Variants in MTREX observed in about 807,000 individuals in gnomAD.
MTREX encodes the protein exosome RNA helicase MTR4.
In MTREX, 76 loss-of-function variants were observed where a neutral mutation model predicts 135.4. The ratio of observed to expected loss-of-function variants is 0.56; its 90% confidence interval spans 0.47 to 0.68. The LOEUF is 0.68. Among genes scored for constraint, MTREX ranks in the 30% least tolerant of loss-of-function variants. The pLI is 0.00. For missense variants in MTREX, 920 were observed against 1,262.1 expected (o/e 0.73, Z 4.11); for synonymous variants, 404 against 401.6 (o/e 1.01, Z -0.07).
chr5:55,366,018 A>T (rs1750098531), intron 15 of MTREX, among the ~76,000 whole-genome samples: 1 of 151,880 alleles, frequency 6.6e-6, no homozygotes, highest in Admixed American at 6.6e-5. Context: ...TTCTGAAGAG[A>T]CACTGCTGAA....
Position 55,416,074 on chromosome 5 carries a change from T to C in MTREX, c.2913T>C (p.Tyr971=), listed in dbSNP as rs1168169059. The change falls in exon 25 of 27, where the codon TAT becomes TAC. Residue 971 remains tyrosine, a synonymous_variant. Coordinates refer to ENST00000230640, the MANE Select transcript of MTREX (RefSeq NM_015360.5). The part of the protein sequence containing the change: ...SFKPHLMDVV[Y]TWATGATFAH... ...AACCTCACTTAATGGATGTAGTATA[T>C]ACCTGGGCAACTGGAGCTACATTTG... 2 of 1,597,190 alleles carry C rather than the reference T, an allele frequency of 1.3e-6. No individual in the cohort carries two copies. The highest frequency in any genetic ancestry group is 2.3e-5 in the South Asian group (2 of 86,572).
At chr5:55,313,831 CTT>C (rs1404349323) in intron 1 of MTREX, among the ~76,000 whole-genome samples, 1 of 152,126 alleles carries the variant, frequency 6.6e-6, no homozygotes, top group Admixed American at 6.5e-5. Context: ...TGCTTTGTCT[CTT>C]TTCTTTTTGA....
At chr5:55,362,351 T>G (rs576930047) in intron 15 of MTREX, among the ~76,000 whole-genome samples, 3 of 151,482 alleles carry the variant, frequency 2.0e-5, no homozygotes, top group East Asian at 3.9e-4. Context: ...AGTTTTTTTG[T>G]TTTTTTTGTT....
chr5:55,359,530 G>A (rs1273809216), intron 15 of MTREX, among the ~76,000 whole-genome samples: 1 of 147,532 alleles, frequency 6.8e-6, no homozygotes, highest in African/African-American at 2.5e-5. Flanking sequence ...CAAAATTGAT[G>A]AAGGTGTGTA....
At chr5:55,404,173 T>TA (rs1163707366) in intron 21 of MTREX, among the ~76,000 whole-genome samples, 1 of 152,218 alleles carries the variant, frequency 6.6e-6, no homozygotes. Flanking sequence ...ATAAACAGTC[T>TA]AAAAAATTCC....
chr5:55,355,340 A>G (rs1749893653), intron 14 of MTREX, among the ~76,000 whole-genome samples: 1 of 152,156 alleles, frequency 6.6e-6, no homozygotes. Context: ...CAGGGCTGAC[A>G]ATGGAATCCT....
intron 1 of MTREX, among the ~76,000 whole-genome samples, chr5:55,316,066 C>T (rs1405901189): frequency 6.6e-6 from 1 of 152,040 alleles, no homozygotes; most frequent in Non-Finnish European, 1.5e-5. Flanking sequence ...GACACATACA[C>T]CCTCCCAAGA....
chr5:55,359,404 T>C (rs1051811384), intron 15 of MTREX, among the ~76,000 whole-genome samples: 3 of 152,202 alleles, frequency 2.0e-5, no homozygotes, highest in Non-Finnish European at 4.4e-5. Context: ...CTTCAAAACA[T>C]GTTAAGACAC....
intron 15 of MTREX, among the ~76,000 whole-genome samples, chr5:55,365,401 A>G (rs1750085939): frequency 6.6e-6 from 1 of 152,160 alleles, no homozygotes; most frequent in South Asian, 2.1e-4. Context: ...GTTTTCAGGA[A>G]CTAAGAAATA....
chr5:55,420,794 A>C (rs1009564803), intron 25 of MTREX, among the ~76,000 whole-genome samples: 1 of 151,616 alleles, frequency 6.6e-6, no homozygotes, highest in East Asian at 1.9e-4. Context: ...TGATGGTTAC[A>C]CAAGTCTGAA....
intron 1 of MTREX, among the ~76,000 whole-genome samples, chr5:55,310,104 A>G (rs749054053): frequency 8.5e-5 from 13 of 152,246 alleles, no homozygotes; most frequent in African/African-American, 1.4e-4. Flanking sequence ...CAAATTTGCT[A>G]GGATAAAATG....
At chr5:55,362,073 C>A (rs184110085) in intron 15 of MTREX, among the ~76,000 whole-genome samples, 222 of 146,866 alleles carry the variant, frequency 1.5e-3, no homozygotes, top group African/African-American at 5.6e-3. Context: ...TGCACCACCA[C>A]GTCTGGCTAA....
chr5:55,355,461 A>T (rs969444252), intron 14 of MTREX, among the ~76,000 whole-genome samples: 1 of 152,090 alleles, frequency 6.6e-6, no homozygotes, highest in Admixed American at 6.6e-5. Flanking sequence ...CACCTGGGGG[A>T]TGGAATGGAC....
At position 55,344,453 on chromosome 5, in the gene MTREX, G is replaced by A; in HGVS notation, c.907-69G>A. On this transcript the variant is annotated intron_variant, in intron 8 of 26. Transcript: ENST00000230640. ...TACTTGATTTTCTTAAGATCTTTTAGGTTGGACTAAGATACAGTTTTATTT... is the reference window on the plus strand; with the variant it reads ...TACTTGATTTTCTTAAGATCTTTTAAGTTGGACTAAGATACAGTTTTATTT... 3 of 972,880 alleles carry A rather than the reference G, an allele frequency of 3.1e-6. No homozygotes were observed. In the South Asian group the frequency reaches 4.4e-5, roughly 14 times the overall value. 60.3% of individuals were successfully genotyped at this position (972,880 alleles called of 1,614,324 possible).
chr5:55,378,313 G>A lies in MTREX; in HGVS notation c.1811-1G>A. On this transcript the variant is annotated splice_acceptor_variant, in intron 16 of 26. Transcript: ENST00000230640. LOFTEE classifies it high-confidence loss of function. ...ATTTTGTACATGTGTTCTATTTACA[G>A]AGGTAAAGAATTCAGAAGAACAGTA... The A allele has an allele frequency of 6.3e-7, 1 of 1,587,712 alleles. No individual in the cohort carries two copies. The highest frequency in any genetic ancestry group is 8.5e-7 in the Non-Finnish European group (1 of 1,172,032).
chr5:55,344,486 A>T (rs1749698947), intron 8 of MTREX, 36 bp from the exon 9 acceptor site: 4 of 1,374,116 alleles, frequency 2.9e-6, no homozygotes, highest in Non-Finnish European at 4.1e-6. Flanking sequence ...TTTTGAGGAA[A>T]TAAAATTTTG....
intron 5 of MTREX, among the ~76,000 whole-genome samples, chr5:55,337,834 G>T (rs1749578230): frequency 1.4e-5 from 2 of 147,826 alleles, no homozygotes; most frequent in Non-Finnish European, 1.5e-5. Flanking sequence ...CTTCTATTTT[G>T]TTTAACAAAT....
intron 18 of MTREX, among the ~76,000 whole-genome samples, chr5:55,379,610 A>T (rs1230911721): frequency 3.3e-5 from 5 of 150,796 alleles, no homozygotes; most frequent in African/African-American, 1.2e-4. Flanking sequence ...ACACACACAC[A>T]CTCAGAGAGA....
At chr5:55,345,963 G>A (rs1293306608) in intron 10 of MTREX, among the ~76,000 whole-genome samples, 5 of 151,928 alleles carry the variant, frequency 3.3e-5, no homozygotes, top group Admixed American at 1.3e-4. Context: ...CACTGTGCCC[G>A]GCTATTTTGT....
Sources: gnomAD v4.1 joint callset for allele counts (sites outside exome capture counted in the v4.1 genomes callset) on GRCh38, gnomAD v4.1.1 for gene constraint, MANE v1.5 for transcripts, NCBI Gene and HGNC (gene_info 2026-07-23, HGNC 2026-07-21) for gene names.